ZBTB7A: variants seen among roughly 807,000 people sequenced by gnomAD.
ZBTB7A encodes the protein zinc finger and BTB domain containing 7A, also known as zinc finger and BTB domain-containing protein 7A.
In ZBTB7A, 7 loss-of-function variants were observed where a neutral mutation model predicts 26.7. That is an observed-to-expected ratio of 0.26 (90% CI 0.15 to 0.49). ZBTB7A has a LOEUF of 0.49. Among genes scored for constraint, ZBTB7A ranks in the 20% least tolerant of loss-of-function variants. The pLI is 0.98. For missense variants in ZBTB7A, 617 were observed against 919.5 expected (o/e 0.67, Z 4.25); for synonymous variants, 452 against 441.0 (o/e 1.02, Z -0.31).
intron 1 of ZBTB7A, among the ~76,000 whole-genome samples, chr19:4,063,296 C>T (rs564326421): frequency 3.6e-4 from 55 of 152,310 alleles, no homozygotes; most frequent in Admixed American, 1.4e-3. Flanking sequence ...TCCAAGGTCG[C>T]AGAGCAAGCG....
Position 4,057,178 on chromosome 19 carries a change from G to A in ZBTB7A, c.-15-1931C>T, listed in dbSNP as rs1216611963. ...AGCCTGACCAACATGGTGAAATCTC[G>A]TCTCTACTAAAAATACAAAATTAGC... On this transcript the variant is annotated intron_variant, in intron 1 of 2. Transcript: ENST00000322357. Among the ~76,000 whole-genome samples, 11 of 147,974 alleles carry A rather than the reference G, an allele frequency of 7.4e-5. No individual in the cohort carries two copies. In the South Asian group the frequency reaches 8.6e-4, roughly 12 times the overall value.
chr19:4,061,665 TG>T (rs1318606150), intron 1 of ZBTB7A: 1 of 152,188 alleles, frequency 6.6e-6, no homozygotes, highest in East Asian at 1.9e-4. Flanking sequence ...GCTTCCTGCC[TG>T]GGCCTTAAAG....
chr19:4,065,908 C>A (rs1359530891), intron 1 of ZBTB7A, among the ~76,000 whole-genome samples: 5 of 143,750 alleles, frequency 3.5e-5, no homozygotes, highest in Admixed American at 3.4e-4. Flanking sequence ...GCCCCGCCCC[C>A]TGGCGGGCTG....
intron 1 of ZBTB7A, among the ~76,000 whole-genome samples, chr19:4,064,197 G>T (rs1414559169): frequency 6.6e-6 from 1 of 152,232 alleles, no homozygotes; most frequent in Non-Finnish European, 1.5e-5. Context: ...GGTGCTGACT[G>T]GCCGCCACGC....
rs888931914 is a variant in ZBTB7A at position 4,044,105 on chromosome 19, C to G, written c.*3647G>C. ...GAGGTGACCGCTCCTGCCACGGCCCCGGGGTCTGAATCGTGCAAAGACCCC... is the reference window on the plus strand; with the variant it reads ...GAGGTGACCGCTCCTGCCACGGCCCGGGGGTCTGAATCGTGCAAAGACCCC... On this transcript the variant is annotated 3_prime_UTR_variant, in exon 3 of 3. Coordinates refer to ENST00000322357, the MANE Select transcript of ZBTB7A (RefSeq NM_015898.4). Among the ~76,000 whole-genome samples the G allele has an allele frequency of 6.6e-6, 1 of 151,998 alleles. No individual in the cohort carries two copies. Among genetic ancestry groups the G allele is most frequent in the East Asian group, 2.0e-4 (1 of 5,128 alleles).
In ZBTB7A at chr19:4,047,903, T is replaced by A; in HGVS notation, c.1604A>T (p.Glu535Val). ...SSPDARRNGQ[E>V]KHFKDEDEDE... The stretch of plus-strand genomic sequence containing the variant: ...CTCGTCCTCGTCCTTAAAGTGCTTC[T>A]CCTGGCCGTTGCGCCGGGCGTCGGG... The change falls in exon 3 of 3, where the codon GAG becomes GTG. Residue 535 changes from glutamate to valine, a missense_variant. This residue lies in a region of ZBTB7A where 136 missense variants were observed against 126.6 expected (regional missense o/e 1.07). Coordinates refer to ENST00000322357, the MANE Select transcript of ZBTB7A (RefSeq NM_015898.4). The A allele has an allele frequency of 6.4e-7, 1 of 1,553,402 alleles. No homozygotes were observed. The highest frequency in any genetic ancestry group is 8.7e-7 in the Non-Finnish European group (1 of 1,151,516).
At chr19:4,050,896 C>G (rs577460510) in intron 2 of ZBTB7A, among the ~76,000 whole-genome samples, 1 of 151,720 alleles carries the variant, frequency 6.6e-6, no homozygotes. Context: ...GTCAGGAGTT[C>G]GAGACCAGCC....
rs992461874 is a variant in ZBTB7A, at chr19:4,045,835, G to C, written c.*1917C>G. On this transcript the variant is annotated 3_prime_UTR_variant, in exon 3 of 3. Coordinates refer to ENST00000322357, the MANE Select transcript of ZBTB7A (RefSeq NM_015898.4). The surrounding 1 kb of genome is among the most constrained non-coding windows in gnomAD (Gnocchi z 4.1). ...CGGGCCTTGTGGGAGCCAGAGGTTG[G>C]GGGGAGGCAGGTCCCAGTCCCCCTG... is the stretch of plus-strand genomic sequence containing the variant. 1.8e-5 allele frequency: 7 copies of C among 398,678 alleles called. No individual in the cohort carries two copies. Among genetic ancestry groups the C allele is most frequent in the South Asian group, 2.6e-4 (2 of 7,794 alleles). The allele number at this position is 398,678 out of a possible 1,614,324, so 24.7% of individuals were successfully genotyped here.
Position 4,043,620 on chromosome 19 carries a change from G to A in ZBTB7A, c.*4132C>T, listed in dbSNP as rs923475257. Among the ~76,000 whole-genome samples, 2 of 151,382 alleles carry A rather than the reference G, an allele frequency of 1.3e-5. No individual in the cohort carries two copies. The highest frequency in any genetic ancestry group is 2.4e-5 in the African/African-American group (1 of 41,076). On this transcript the variant is annotated 3_prime_UTR_variant, in exon 3 of 3. Coordinates refer to ENST00000322357, the MANE Select transcript of ZBTB7A (RefSeq NM_015898.4). ...ACCTCGATTCTGGGCCTGGGGTGGGGTGGGGGGCGGGACCTGGGCATCGGA... is the reference window on the plus strand; with the variant it reads ...ACCTCGATTCTGGGCCTGGGGTGGGATGGGGGGCGGGACCTGGGCATCGGA...
At position 4,046,269 on chromosome 19, in the gene ZBTB7A, C is replaced by T. The variant is rs1394564421; in HGVS notation, c.*1483G>A. On this transcript the variant is annotated 3_prime_UTR_variant, in exon 3 of 3. Transcript: ENST00000322357. Reference sequence around the variant, plus strand: ...ACACCTCGGGGCGTCTCCCAGGTCCCCTGCGATGGCTTCCTCCTGAACCCC... The same window carrying T: ...ACACCTCGGGGCGTCTCCCAGGTCCTCTGCGATGGCTTCCTCCTGAACCCC... The T allele has an allele frequency of 1.0e-5, 4 of 392,310 alleles. No individual in the cohort carries two copies. Among genetic ancestry groups the T allele is most frequent in the Admixed American group, 4.4e-5 (1 of 22,486 alleles). The allele number at this position is 392,310 out of a possible 1,614,324, so 24.3% of individuals were successfully genotyped here.
intron 1 of ZBTB7A, among the ~76,000 whole-genome samples, chr19:4,059,474 G>A (rs571209522): frequency 5.9e-5 from 9 of 152,216 alleles, no homozygotes; most frequent in South Asian, 4.1e-4. Context: ...TCAAAGCAGC[G>A]AGGCCCGGGG....
intron 1 of ZBTB7A, among the ~76,000 whole-genome samples, chr19:4,064,003 A>AAAAC (rs368586825): frequency 1.2e-3 from 188 of 152,366 alleles, no homozygotes; most frequent in Non-Finnish European, 1.9e-3. Context: ...AGAAAAGGAA[A>AAAAC]AAACAAACAA....
intron 2 of ZBTB7A, among the ~76,000 whole-genome samples, chr19:4,049,954 C>A (rs183992325): frequency 1.0e-3 from 154 of 152,258 alleles, no homozygotes; most frequent in Middle Eastern, 3.4e-3. Flanking sequence ...GACCGAGTCT[C>A]GCTCTATCTT....
At chr19:4,055,284 G>T in intron 1 of ZBTB7A, 37 bp from the exon 2 acceptor site, 1 of 1,436,476 alleles carries the variant, frequency 7.0e-7, no homozygotes, top group South Asian at 1.5e-5. Context: ...CTCGTGAGTG[G>T]GGGTGCGGGG....
chr19:4,063,914 G>T (rs1228664457), intron 1 of ZBTB7A, among the ~76,000 whole-genome samples: 1 of 152,156 alleles, frequency 6.6e-6, no homozygotes, highest in Non-Finnish European at 1.5e-5. Flanking sequence ...CTCCCCTCCC[G>T]GCCTTGGTTT....
chr19:4,047,496 T>TG lies in ZBTB7A; in HGVS notation c.*255dup. On this transcript the variant is annotated 3_prime_UTR_variant, in exon 3 of 3. Transcript: ENST00000322357. ...GCCCCGAAACCCAGCGATGGGGTGG[T>TG]GGGGGGAAGGGGAGCCAGGGAGGGC... 9.6e-6 allele frequency: 2 copies of TG among 208,714 alleles called. No homozygotes were observed. The highest frequency in any genetic ancestry group is 1.8e-5 in the Non-Finnish European group (2 of 108,842). The allele number at this position is 208,714 out of a possible 1,614,324, so 12.9% of individuals were successfully genotyped here.
intron 1 of ZBTB7A, among the ~76,000 whole-genome samples, chr19:4,058,611 C>G (rs1284284608): frequency 6.6e-6 from 1 of 152,192 alleles, no homozygotes; most frequent in Non-Finnish European, 1.5e-5. Context: ...CGGGCCAGAG[C>G]CCCTGGGCAA....
At position 4,047,807 on chromosome 19, in the gene ZBTB7A, C is replaced by G; in HGVS notation, c.1700G>C (p.Ser567Thr). The G allele has an allele frequency of 3.1e-6, 5 of 1,604,304 alleles. No individual in the cohort carries two copies. The highest frequency in any genetic ancestry group is 4.3e-6 in the Non-Finnish European group (5 of 1,176,116). The change falls in exon 3 of 3, where the codon AGC becomes ACC. Residue 567 changes from serine to threonine, a missense_variant. Around this residue, in one of 5 missense-constraint regions of ZBTB7A, gnomAD observed 136 missense variants for 126.6 expected, o/e 1.07. Transcript: ENST00000322357. ...NVAGAGGGGDSGGGPGAATDG... is the reference protein window; with the variant it reads ...NVAGAGGGGDTGGGPGAATDG... The stretch of plus-strand genomic sequence containing the variant: ...GGTGGCGGCCCCGGGGCCACCTCCG[C>G]TGTCACCTCCTCCACCGGCGCCCGC...
At chr19:4,055,315 G>A in intron 1 of ZBTB7A, 68 bp from the exon 2 acceptor site, 3 of 1,426,524 alleles carry the variant, frequency 2.1e-6, no homozygotes, top group South Asian at 3.0e-5. Context: ...CCACTGACAA[G>A]GGCCCGAGGC....
Sources: allele counts gnomAD v4.1 joint callset (sites outside exome capture counted in the v4.1 genomes callset), GRCh38; gene constraint gnomAD v4.1.1; regional missense constraint gnomAD v4.1.1; non-coding constraint Gnocchi (gnomAD v3.1); transcripts MANE v1.5; gene names NCBI Gene and HGNC (gene_info 2026-07-23, HGNC 2026-07-21).